DNALI1: variants seen among roughly 807,000 people sequenced by gnomAD.
DNALI1 encodes the protein dynein axonemal light intermediate chain 1, also known as axonemal dynein light intermediate polypeptide 1.
A neutral mutation model predicts 33.9 loss-of-function variants in DNALI1; 31 were observed. That is an observed-to-expected ratio of 0.91 (90% CI 0.69 to 1.23). DNALI1 has a LOEUF of 1.23. Among genes scored for constraint, DNALI1 ranks in the 50% most tolerant of loss-of-function variants. The pLI is 0.00. For missense variants in DNALI1, 305 were observed against 323.8 expected (o/e 0.94, Z 0.44); for synonymous variants, 117 against 129.2 (o/e 0.91, Z 0.64).
At position 37,561,672 on chromosome 1, in the gene DNALI1, C is replaced by T. The variant is rs745761540; in HGVS notation, c.513C>T (p.Ser171=). 19 of 1,614,072 alleles carry T rather than the reference C, an allele frequency of 1.2e-5. No individual in the cohort carries two copies. Among genetic ancestry groups the T allele is most frequent in the Non-Finnish European group, 1.6e-5 (19 of 1,179,994 alleles). ...IAAYQTLYES[S]VAFGMRKALQ... is the part of the protein sequence containing the mutation. ...CCTACCAGACCCTGTACGAGAGCAG[C>T]GTGGCGTTTGGCATGAGGAAGGCAC... The change falls in exon 4 of 6, where the codon AGC becomes AGT. Residue 171 remains serine (S), a synonymous_variant. Transcript: ENST00000652629. This position sits in a 1 kb window ranked among gnomAD's most constrained non-coding sequence, Gnocchi z 4.6.
chr1:37,556,983 C>G lies in DNALI1; in HGVS notation c.-12C>G, dbSNP rs191387360. ...ACAGGGCAGCTGCTGGGTTGCTACT[C>G]TCGCCTCCGCCATGATTCCGCCCGC... On this transcript the variant is annotated 5_prime_UTR_variant, in exon 1 of 6. Transcript: ENST00000652629. 2.8e-5 allele frequency: 45 copies of G among 1,614,240 alleles called. No individual in the cohort carries two copies. In the Admixed American group the frequency reaches 7.3e-4, roughly 26 times the overall value.
chr1:37,558,426 C>G (rs1303371244), intron 2 of DNALI1, among the ~76,000 whole-genome samples: 1 of 152,232 alleles, frequency 6.6e-6, no homozygotes, highest in African/African-American at 2.4e-5. Context: ...TAAGTCAGAT[C>G]ATGCCAGTCT....
At chr1:37,560,706 T>A (rs916979823) in intron 3 of DNALI1, 9 of 152,240 alleles carry the variant, frequency 5.9e-5, no homozygotes, top group African/African-American at 2.2e-4. Flanking sequence ...TGCCAACCAC[T>A]ATATTCTTGG....
intron 2 of DNALI1, 148 bp downstream of exon 2, chr1:37,557,896 C>A: frequency 1.8e-6 from 2 of 1,130,320 alleles, no homozygotes; most frequent in Non-Finnish European, 1.2e-6. Context: ...ATGGCTGGAT[C>A]CTGGCAGGGT....
chr1:37,558,439 G>A (rs1443893076), intron 2 of DNALI1, among the ~76,000 whole-genome samples: 4 of 152,162 alleles, frequency 2.6e-5, no homozygotes, highest in Non-Finnish European at 5.9e-5. Context: ...GCCAGTCTCT[G>A]CCAGAAACTC....
At position 37,561,457 on chromosome 1, in the gene DNALI1, A is replaced by G; in HGVS notation, c.398-100A>G. Reference sequence around the variant, plus strand: ...TTGCACTTTGTCTCCAAGCGAGAACACCCTAATGTCCTTCCCAAGAGGAAG... The same window carrying G: ...TTGCACTTTGTCTCCAAGCGAGAACGCCCTAATGTCCTTCCCAAGAGGAAG... On this transcript the variant is annotated intron_variant, in intron 3 of 5. Coordinates refer to ENST00000652629, the MANE Select transcript of DNALI1 (RefSeq NM_003462.5). This position sits in a 1 kb window ranked among gnomAD's most constrained non-coding sequence, Gnocchi z 4.6. 7.0e-7 allele frequency: 1 copy of G among 1,436,572 alleles called. No individual in the cohort carries two copies. Among genetic ancestry groups the G allele is most frequent in the East Asian group, 2.5e-5 (1 of 40,766 alleles). The allele number at this position is 1,436,572 out of a possible 1,614,324, so 89.0% of individuals were successfully genotyped here.
Position 37,559,572 on chromosome 1 carries a change from C to A in DNALI1, c.397+76C>A. Reference sequence around the variant, plus strand: ...CCTTCACCTTCAGCACAGATCCAAGCCTGAGCACCTTGGAGCTGGAGCCCA... The same window carrying A: ...CCTTCACCTTCAGCACAGATCCAAGACTGAGCACCTTGGAGCTGGAGCCCA... On this transcript the variant is annotated intron_variant, in intron 3 of 5. Transcript: ENST00000652629. The surrounding 1 kb of genome is among the most constrained non-coding windows in gnomAD (Gnocchi z 5.3). The A allele has an allele frequency of 7.1e-7, 1 of 1,400,140 alleles. No homozygotes were observed. The highest frequency in any genetic ancestry group is 9.4e-7 in the Non-Finnish European group (1 of 1,064,128). 86.7% of individuals were successfully genotyped at this position (1,400,140 alleles called of 1,614,324 possible).
chr1:37,563,746 C>G (rs1294751276), intron 5 of DNALI1, among the ~76,000 whole-genome samples: 1 of 152,122 alleles, frequency 6.6e-6, no homozygotes, highest in Non-Finnish European at 1.5e-5. Context: ...CCACCTTGGC[C>G]TCCCAAAGTG....
intron 5 of DNALI1, 59 bp from the exon 6 acceptor site, chr1:37,564,967 A>G (rs948865008): frequency 2.5e-6 from 4 of 1,569,376 alleles, no homozygotes; most frequent in Non-Finnish European, 2.6e-6. Flanking sequence ...ATCACCTCTC[A>G]GCTATTTGTA....
chr1:37,561,803 T>A lies in DNALI1; in HGVS notation c.576+68T>A. On this transcript the variant is annotated intron_variant, in intron 4 of 5. Transcript: ENST00000652629. The surrounding 1 kb of genome is among the most constrained non-coding windows in gnomAD (Gnocchi z 4.6). Reference sequence around the variant, plus strand: ...AAACCTCAGGGCCACATGCTTATCATTCCAGCACTACATTCTGACCTCCTA... The same window carrying A: ...AAACCTCAGGGCCACATGCTTATCAATCCAGCACTACATTCTGACCTCCTA... 1 of 1,549,494 alleles carries A rather than the reference T, an allele frequency of 6.5e-7. No individual in the cohort carries two copies. The highest frequency in any genetic ancestry group is 8.8e-7 in the Non-Finnish European group (1 of 1,141,114).
chr1:37,562,635 G>A lies in DNALI1; in HGVS notation c.741+390G>A, dbSNP rs964144915. Among the ~76,000 whole-genome samples the A allele has an allele frequency of 6.6e-6, 1 of 152,048 alleles. No individual in the cohort carries two copies. The highest frequency in any genetic ancestry group is 2.4e-5 in the African/African-American group (1 of 41,404). On this transcript the variant is annotated intron_variant, in intron 5 of 5. Transcript: ENST00000652629. The surrounding 1 kb of genome is among the most constrained non-coding windows in gnomAD (Gnocchi z 5.8). Reference sequence around the variant, plus strand: ...GCCATCCCATGGCTGTCTCCTCTGAGGCCCTGTTTCAGGGCATAACCAGGG... The same window carrying A: ...GCCATCCCATGGCTGTCTCCTCTGAAGCCCTGTTTCAGGGCATAACCAGGG...
rs1334419458 is a variant in DNALI1 at position 37,561,843 on chromosome 1, C to T, written c.576+108C>T. On this transcript the variant is annotated intron_variant, in intron 4 of 5. Transcript: ENST00000652629. This position sits in a 1 kb window ranked among gnomAD's most constrained non-coding sequence, Gnocchi z 4.6. ...CTGACCTCCTAAGGTGCTCTGCTGACAGTCACGACACCTGGACTTGCATCA... is the reference window on the plus strand; with the variant it reads ...CTGACCTCCTAAGGTGCTCTGCTGATAGTCACGACACCTGGACTTGCATCA... 3 of 1,443,188 alleles carry T rather than the reference C, an allele frequency of 2.1e-6. No individual in the cohort carries two copies. The highest frequency in any genetic ancestry group is 2.8e-5 in the African/African-American group (2 of 70,918). The allele number at this position is 1,443,188 out of a possible 1,614,324, so 89.4% of individuals were successfully genotyped here. A position where few individuals can be genotyped will look rare whatever the true frequency, so the allele number is the denominator to read the frequency against.
In DNALI1 at chr1:37,565,243, T is replaced by C. The variant is rs1643486374; in HGVS notation, c.*182T>C. On this transcript the variant is annotated 3_prime_UTR_variant, in exon 6 of 6. Transcript: ENST00000652629. ...TAGAAGTCACACTATTACTCCAATG[T>C]CATCAGACACCTAAGGTCTGCCAGC... 1.5e-6 allele frequency: 1 copy of C among 651,246 alleles called. No homozygotes were observed. The highest frequency in any genetic ancestry group is 2.6e-6 in the Non-Finnish European group (1 of 379,690). The allele number at this position is 651,246 out of a possible 1,614,324, so 40.3% of individuals were successfully genotyped here.
intron 1 of DNALI1, 25 bp downstream of exon 1, chr1:37,557,100 A>G (rs746123934): frequency 1.2e-6 from 2 of 1,613,966 alleles, no homozygotes; most frequent in South Asian, 2.2e-5. Context: ...TCGGGAGACA[A>G]AGGAGCCTCG....
Position 37,559,612 on chromosome 1 carries a change from C to G in DNALI1, c.397+116C>G. ...GCTGGAGCCCATCTCATGCTGGAAT[C>G]CCCTCTTCTCCCCCTGCCTGACCCA... is the stretch of plus-strand genomic sequence containing the variant. On this transcript the variant is annotated intron_variant, in intron 3 of 5. Transcript: ENST00000652629. The surrounding 1 kb of genome is among the most constrained non-coding windows in gnomAD (Gnocchi z 5.3). The G allele has an allele frequency of 8.2e-7, 1 of 1,216,048 alleles. No homozygotes were observed. Among genetic ancestry groups the G allele is most frequent in the African/African-American group, 1.6e-5 (1 of 63,664 alleles). 75.3% of individuals were successfully genotyped at this position (1,216,048 alleles called of 1,614,324 possible).
rs766242209 is a variant in DNALI1 at position 37,559,456 on chromosome 1, C to T, written c.357C>T (p.Gly119=). The T allele has an allele frequency of 2.5e-6, 4 of 1,612,922 alleles. 1 individual carries two copies. In the South Asian group the frequency reaches 4.4e-5, roughly 18 times the overall value. ...KLQQRQARET[G]ICPVRRELYS... ...AGCAGCGGCAGGCCAGGGAAACAGG[C>T]ATCTGCCCTGTCCGCAGGGAACTCT... The change falls in exon 3 of 6, where the codon GGC becomes GGT. Residue 119 remains glycine (G), a synonymous_variant. Coordinates refer to ENST00000652629, the MANE Select transcript of DNALI1 (RefSeq NM_003462.5). The surrounding 1 kb of genome is among the most constrained non-coding windows in gnomAD (Gnocchi z 5.3).
rs767502354 is a variant in DNALI1, at chr1:37,566,822, T to G, written c.*1761T>G. The G allele has an allele frequency of 1.2e-6, 2 of 1,600,698 alleles. No individual in the cohort carries two copies. The highest frequency in any genetic ancestry group is 1.7e-6 in the Non-Finnish European group (2 of 1,169,810). ...AGAAAACACAATTTCTAACTGCCTGTTTTTGTATAATTTAATAAAAACCTT... is the reference window on the plus strand; with the variant it reads ...AGAAAACACAATTTCTAACTGCCTGGTTTTGTATAATTTAATAAAAACCTT... On this transcript the variant is annotated 3_prime_UTR_variant, in exon 6 of 6. Transcript: ENST00000652629.
At position 37,561,734 on chromosome 1, in the gene DNALI1, A is replaced by G. The variant is rs1298441180; in HGVS notation, c.575A>G (p.Lys192Arg). The change falls in exon 4 of 6, where the codon AAA becomes AGA. Residue 192 changes from lysine (K) to arginine (R), a missense_variant and splice_region_variant. Transcript: ENST00000652629. This position sits in a 1 kb window ranked among gnomAD's most constrained non-coding sequence, Gnocchi z 4.6. ...CAGGGGAAGTCAGACATGGAGAGGA[A>G]AGTGAGTGGGGTTTACCGTGACCCT... ...AEQGKSDMER[K>R]IAELETEKRD... 1 of 1,613,412 alleles carries G rather than the reference A, an allele frequency of 6.2e-7. No individual in the cohort carries two copies. The highest frequency in any genetic ancestry group is 1.7e-5 in the Admixed American group (1 of 59,970).
At position 37,561,449 on chromosome 1, in the gene DNALI1, G is replaced by C. The variant is rs1643437029; in HGVS notation, c.398-108G>C. ...CTGAGGCCTTGCACTTTGTCTCCAA[G>C]CGAGAACACCCTAATGTCCTTCCCA... is the stretch of plus-strand genomic sequence containing the variant. On this transcript the variant is annotated intron_variant, in intron 3 of 5. Transcript: ENST00000652629. The surrounding 1 kb of genome is among the most constrained non-coding windows in gnomAD (Gnocchi z 4.6). 7.1e-7 allele frequency: 1 copy of C among 1,405,366 alleles called. No homozygotes were observed. The highest frequency in any genetic ancestry group is 1.4e-5 in the African/African-American group (1 of 70,312). 87.1% of individuals were successfully genotyped at this position (1,405,366 alleles called of 1,614,324 possible).
Sources: gnomAD v4.1 joint callset for allele counts (sites outside exome capture counted in the v4.1 genomes callset) on GRCh38, gnomAD v4.1.1 for gene constraint, Gnocchi (gnomAD v3.1) non-coding constraint, MANE v1.5 for transcripts, NCBI Gene and HGNC (gene_info 2026-07-23, HGNC 2026-07-21) for gene names.